FOXJ3: variants seen among roughly 807,000 people sequenced by gnomAD.
The protein encoded by FOXJ3 is forkhead box protein J3.
FOXJ3 carries 22 observed loss-of-function variants against 76.1 expected under a neutral mutation model. The ratio of observed to expected loss-of-function variants is 0.29; its 90% CI spans 0.21 to 0.41. The LOEUF is 0.41. FOXJ3 is among the 10% of genes least tolerant of loss of function. The pLI is 1.00. For synonymous variants in FOXJ3, 269 were observed against 261.2 expected, an observed-to-expected ratio of 1.03 and a Z score of -0.29; for missense variants, 613 against 762.1, an observed-to-expected ratio of 0.80 and a Z score of 2.30.
At chr1:42,293,224 A>C (rs1021450705) in intron 2 of FOXJ3, among the ~76,000 whole-genome samples, 2 of 152,314 alleles carry the variant, frequency 1.3e-5, no homozygotes, top group South Asian at 4.1e-4. Flanking sequence ...CAGCTTGAAC[A>C]ATGAAAGAAA....
At chr1:42,258,876 A>G (rs377280790) in intron 4 of FOXJ3, among the ~76,000 whole-genome samples, 1 of 152,320 alleles carries the variant, frequency 6.6e-6, no homozygotes, top group South Asian at 2.1e-4. Context: ...TGGCTCACCT[A>G]CATAATCCAC....
intron 2 of FOXJ3, among the ~76,000 whole-genome samples, chr1:42,306,524 G>C (rs985802748): frequency 2.0e-5 from 3 of 151,786 alleles, no homozygotes; most frequent in Admixed American, 2.0e-4. Context: ...GGCTGGTCTC[G>C]AACTCCTGAC....
chr1:42,259,101 G>A (rs1362619799), intron 4 of FOXJ3, among the ~76,000 whole-genome samples: 3 of 152,178 alleles, frequency 2.0e-5, no homozygotes, highest in African/African-American at 4.8e-5. Flanking sequence ...ACAACGACAT[G>A]GATAGCTCTC....
chr1:42,295,587 G>C (rs1406953506), intron 2 of FOXJ3, among the ~76,000 whole-genome samples: 1 of 142,572 alleles, frequency 7.0e-6, no homozygotes, highest in Non-Finnish European at 1.5e-5. Context: ...GGAATGCAGT[G>C]GCGCAATCTT....
At chr1:42,288,846 T>A (rs750458569) in intron 2 of FOXJ3, among the ~76,000 whole-genome samples, 7 of 152,176 alleles carry the variant, frequency 4.6e-5, no homozygotes, top group Admixed American at 1.3e-4. Context: ...AAAAATATAA[T>A]GTAATGCCAA....
intron 2 of FOXJ3, among the ~76,000 whole-genome samples, chr1:42,298,397 C>T (rs1163711145): frequency 2.0e-5 from 3 of 152,126 alleles, no homozygotes; most frequent in Admixed American, 1.3e-4. Flanking sequence ...TTCAATCTTG[C>T]GAGGTTGTAT....
At chr1:42,227,718 C>G (rs771641628) in intron 5 of FOXJ3, among the ~76,000 whole-genome samples, 165 bp downstream of exon 5, 2 of 152,134 alleles carry the variant, frequency 1.3e-5, no homozygotes, top group Non-Finnish European at 2.9e-5. Context: ...GAGTTAAGAT[C>G]AAATAAAATG....
chr1:42,194,978 T>C lies in FOXJ3; in HGVS notation c.846A>G (p.Leu282=), dbSNP rs146609953. The C allele has an allele frequency of 1.6e-5, 25 of 1,612,056 alleles. No individual in the cohort carries two copies. The highest frequency in any genetic ancestry group is 1.5e-4 in the African/African-American group (11 of 74,866). Residue 282 remains leucine (L), a synonymous_variant, in exon 8 of 13, where the codon CTA becomes CTG. Coordinates refer to ENST00000361346, the MANE Select transcript of FOXJ3 (RefSeq NM_014947.5). ...QYNLPERDKQ[L]LFSEYNFEDL... is the part of the protein sequence containing the mutation. ...CTTCAAAATTATATTCTGAGAAAAG[T>C]AGTTGCTTGTCTCTTTCTGGAAGGT...
chr1:42,228,420 A>G (rs1420905401), intron 4 of FOXJ3, among the ~76,000 whole-genome samples: 1 of 152,164 alleles, frequency 6.6e-6, no homozygotes, highest in Non-Finnish European at 1.5e-5. Context: ...CTGAGAAGCA[A>G]TGATACGTAC....
Position 42,178,324 on chromosome 1 carries a change from T to C in FOXJ3, c.*1386A>G. 6.7e-6 allele frequency: 1 copy of C among 148,618 alleles called. No individual in the cohort carries two copies. The highest frequency in any genetic ancestry group is 2.6e-5 in the African/African-American group (1 of 38,104). The allele number at this position is 148,618 out of a possible 1,614,324, so 9.2% of individuals were successfully genotyped here. A position where few individuals can be genotyped will look rare whatever the true frequency, so the allele number is the denominator to read the frequency against. ...TTTAGAAACCCTGCCCTGCTGTTGT[T>C]GCCCAAATGAAATCTGATTCAAATT... On this transcript the variant is annotated 3_prime_UTR_variant, in exon 13 of 13. Coordinates refer to ENST00000361346, the MANE Select transcript of FOXJ3 (RefSeq NM_014947.5).
chr1:42,235,319 G>A (rs562068149), intron 4 of FOXJ3, among the ~76,000 whole-genome samples: 1 of 152,330 alleles, frequency 6.6e-6, no homozygotes, highest in South Asian at 2.1e-4. Flanking sequence ...TCTTTGACTA[G>A]GAAAGGGAAT....
intron 3 of FOXJ3, among the ~76,000 whole-genome samples, chr1:42,277,657 C>T (rs545916191): frequency 0.012 from 654 of 53,708 alleles, 235 homozygotes; most frequent in African/African-American, 0.035. Context: ...ATTAGCCGGG[C>T]GTAGTGGCGG....
intron 2 of FOXJ3, among the ~76,000 whole-genome samples, chr1:42,294,223 C>T (rs1653628191): frequency 6.6e-6 from 1 of 152,194 alleles, no homozygotes. Flanking sequence ...ATACATGCTG[C>T]TTTGTCTCAA....
At chr1:42,248,330 C>T (rs906373640) in intron 4 of FOXJ3, among the ~76,000 whole-genome samples, 3 of 151,888 alleles carry the variant, frequency 2.0e-5, no homozygotes, top group Non-Finnish European at 4.4e-5. Context: ...GTCAGGAGAT[C>T]AAGACCAACC....
chr1:42,223,032 A>AC (rs1245257098), intron 5 of FOXJ3, among the ~76,000 whole-genome samples: 4 of 152,102 alleles, frequency 2.6e-5, no homozygotes, highest in Non-Finnish European at 2.9e-5. Context: ...TCTATACTTT[A>AC]CCCTTGTCCT....
chr1:42,205,862 G>A lies in FOXJ3; in HGVS notation c.530C>T (p.Ala177Val). Reference protein sequence around the residue: ...PKKRARSVERASTPYSIDSDS... With the variant: ...PKKRARSVERVSTPYSIDSDS... ...TGAATCTATGCTATATGGAGTTGAG[G>A]CCTAAAATACAAGAACAAAATAAAT... Residue 177 changes from alanine (A) to valine (V), a missense_variant and splice_region_variant, in exon 6 of 13, where the codon GCC (alanine) becomes GTC (valine). This residue lies in a region of FOXJ3 where 526 missense variants were observed against 601.4 expected (regional missense o/e 0.87). Transcript: ENST00000361346. The A allele has an allele frequency of 6.3e-7, 1 of 1,576,692 alleles. No homozygotes were observed. Among genetic ancestry groups the A allele is most frequent in the Non-Finnish European group, 8.7e-7 (1 of 1,149,320 alleles).
rs1553167260 is a variant in FOXJ3 at position 42,291,083 on chromosome 1, T to TAGATAGACAGACAGACAGAC, written c.45-12412_45-12411insGTCTGTCTGTCTGTCTATCT. Among the ~76,000 whole-genome samples the TAGATAGACAGACAGACAGAC allele has an allele frequency of 5.6e-3, 704 of 126,384 alleles. 2 individuals are homozygous for TAGATAGACAGACAGACAGAC. The highest frequency in any genetic ancestry group is 7.0e-3 in the Admixed American group (83 of 11,834). The allele number at this position is 126,384 out of a possible 152,430, so 82.9% of individuals were successfully genotyped here. On this transcript the variant is annotated intron_variant, in intron 2 of 12. Coordinates refer to ENST00000361346, the MANE Select transcript of FOXJ3 (RefSeq NM_014947.5). Reference sequence around the variant, plus strand: ...ATAGATAGATAGATAGATAGATAGATAGACAGACAGACAGACAGATAGATC... The same window carrying TAGATAGACAGACAGACAGAC: ...ATAGATAGATAGATAGATAGATAGATAGATAGACAGACAGACAGACAGACAGACAGACAGACAGATAGATC...
At chr1:42,188,670 A>T in intron 11 of FOXJ3, 67 bp downstream of exon 11, 2 of 1,100,052 alleles carry the variant, frequency 1.8e-6, no homozygotes, top group Non-Finnish European at 2.5e-6. Flanking sequence ...CAAGTTGGTT[A>T]AGACAGTTAC....
At chr1:42,196,570 G>A (rs1646655313) in intron 7 of FOXJ3, among the ~76,000 whole-genome samples, 1 of 152,154 alleles carries the variant, frequency 6.6e-6, no homozygotes, top group Non-Finnish European at 1.5e-5. Context: ...GCTCACGCCT[G>A]CAATCCCAGC....
Sources: allele counts gnomAD v4.1 joint callset (sites outside exome capture counted in the v4.1 genomes callset), GRCh38; gene constraint gnomAD v4.1.1; regional missense constraint gnomAD v4.1.1; transcripts MANE v1.5; gene names NCBI Gene and HGNC (gene_info 2026-07-23, HGNC 2026-07-21).